PUM2: variants seen among roughly 807,000 people sequenced by gnomAD.
PUM2 encodes pumilio homolog 2.
A neutral mutation model predicts 124.5 loss-of-function variants in PUM2; 57 were observed. The observed-to-expected ratio is 0.46, with a 90% CI of 0.37 to 0.57. PUM2 has a LOEUF of 0.57. Among genes scored for constraint, PUM2 ranks in the 20% least tolerant of loss-of-function variants. The probability of loss-of-function intolerance (pLI) is 0.00; values close to 1 mark genes in which losing one functional copy is unlikely to be tolerated. For synonymous variants in PUM2, 460 were observed against 446.1 expected, an observed-to-expected ratio of 1.03 and a Z score of -0.39; for missense variants, 1,065 against 1,290.6, an observed-to-expected ratio of 0.83 and a Z score of 2.68.
At chr2:20,323,256 G>T (rs1276026147) in intron 2 of PUM2, among the ~76,000 whole-genome samples, 3 of 151,984 alleles carry the variant, frequency 2.0e-5, no homozygotes, top group Non-Finnish European at 4.4e-5. Flanking sequence ...AGATCATCCT[G>T]GCTAACACTG....
chr2:20,308,026 C>A lies in PUM2; in HGVS notation c.835G>T (p.Ala279Ser), dbSNP rs1678749264. 1.2e-6 allele frequency: 2 copies of A among 1,613,364 alleles called. No individual in the cohort carries two copies. Among genetic ancestry groups the A allele is most frequent in the Non-Finnish European group, 1.7e-6 (2 of 1,179,494 alleles). ...GCTAATGCATATTGCTGCTGTTGAG[C>A]TGCAGTTAACTGTTGAACTGTTAGT... The part of the protein sequence containing the change: ...NALTVQQLTA[A>S]QQQQYALAAA... Residue 279 changes from alanine to serine, a missense_variant, in exon 7 of 21, where the codon GCT (alanine) becomes TCT (serine). By Grantham distance (99) the Ala-to-Ser change is moderately conservative. Transcript: ENST00000361078.
At chr2:20,275,166 T>C (rs990419709) in intron 13 of PUM2, among the ~76,000 whole-genome samples, 3 of 151,812 alleles carry the variant, frequency 2.0e-5, no homozygotes, top group Non-Finnish European at 2.9e-5. Context: ...TCCAAGTTGT[T>C]GTCAACAGGA....
rs375195019 is a variant in PUM2 at position 20,326,042 on chromosome 2, G to C, written c.51+1268C>G. ...TCTGCTTTTTAAAGAGCAAAGAAAA[G>C]TAGTGGCCAGGAAAGAACAAAAGCC... On this transcript the variant is annotated intron_variant, in intron 2 of 20. Coordinates refer to ENST00000361078, the MANE Select transcript of PUM2 (RefSeq NM_015317.5). 3.9e-4 allele frequency among the ~76,000 whole-genome samples: 59 copies of C among 152,324 alleles called. No individual in the cohort carries two copies. In the South Asian group the frequency reaches 1.0e-2, roughly 26 times the overall value.
At chr2:20,267,677 G>A (rs530557624) in intron 13 of PUM2, among the ~76,000 whole-genome samples, 32 of 152,300 alleles carry the variant, frequency 2.1e-4, no homozygotes, top group African/African-American at 7.7e-4. Flanking sequence ...TATAGGACAT[G>A]TAGATCAGTA....
intron 9 of PUM2, among the ~76,000 whole-genome samples, chr2:20,292,524 G>A (rs938868010): frequency 1.3e-5 from 2 of 152,078 alleles, no homozygotes; most frequent in Non-Finnish European, 2.9e-5. Context: ...CACCACGCTT[G>A]GCTAAGTTTT....
chr2:20,343,088 C>T (rs62124599), intron 1 of PUM2, among the ~76,000 whole-genome samples: 5,361 of 152,134 alleles, frequency 0.035, 95 homozygotes, highest in Middle Eastern at 0.068. Flanking sequence ...TACAGTAGTG[C>T]CACACTATGC....
intron 7 of PUM2, among the ~76,000 whole-genome samples, chr2:20,305,772 A>G (rs1393736645): frequency 1.3e-5 from 2 of 152,216 alleles, no homozygotes; most frequent in African/African-American, 4.8e-5. Flanking sequence ...ACAATGAAAG[A>G]CAGGAAGAAA....
intron 1 of PUM2, among the ~76,000 whole-genome samples, chr2:20,332,420 A>C (rs1685119994): frequency 1.3e-5 from 2 of 151,070 alleles, no homozygotes; most frequent in South Asian, 4.2e-4. Flanking sequence ...AAAAAAAAAA[A>C]AACCCACCCC....
chr2:20,306,620 T>C (rs1448552838), intron 7 of PUM2, among the ~76,000 whole-genome samples: 2 of 149,740 alleles, frequency 1.3e-5, no homozygotes, highest in Non-Finnish European at 3.0e-5. Context: ...TTTTTTTTTT[T>C]TTTTCTTGAG....
chr2:20,272,961 TAA>T (rs1366434901), intron 13 of PUM2, among the ~76,000 whole-genome samples: 1 of 152,226 alleles, frequency 6.6e-6, no homozygotes, highest in African/African-American at 2.4e-5. Context: ...AAAGCCATTC[TAA>T]GAGATATATG....
intron 3 of PUM2, among the ~76,000 whole-genome samples, chr2:20,316,174 G>C (rs1434348596): frequency 6.6e-6 from 1 of 152,102 alleles, no homozygotes; most frequent in Non-Finnish European, 1.5e-5. Context: ...TGAACTCAAA[G>C]GAAATTTATA....
chr2:20,296,789 A>G lies in PUM2; in HGVS notation c.1009+764T>C, dbSNP rs138985066. Among the ~76,000 whole-genome samples, 777 of 152,312 alleles carry G rather than the reference A, an allele frequency of 5.1e-3. 3 individuals are homozygous for G. The highest frequency in any genetic ancestry group is 0.017 in the African/African-American group (725 of 41,550). On this transcript the variant is annotated intron_variant, in intron 8 of 20. Transcript: ENST00000361078. Reference sequence around the variant, plus strand: ...CCTCAACCTAAAACAAACTCTTCCCAAGAACCCCAACTAAGATCAGCAAAT... The same window carrying G: ...CCTCAACCTAAAACAAACTCTTCCCGAGAACCCCAACTAAGATCAGCAAAT...
At chr2:20,280,235 C>T (rs1428677956) in intron 12 of PUM2, among the ~76,000 whole-genome samples, 1 of 152,078 alleles carries the variant, frequency 6.6e-6, no homozygotes, top group East Asian at 1.9e-4. Context: ...GATTATAATG[C>T]TATTCAACCT....
intron 1 of PUM2, among the ~76,000 whole-genome samples, chr2:20,342,760 C>T (rs1461118618): frequency 6.6e-6 from 1 of 152,092 alleles, no homozygotes; most frequent in Non-Finnish European, 1.5e-5. Flanking sequence ...GCATGAATTG[C>T]GGTTTTTAAA....
At chr2:20,275,285 T>C (rs996950595) in intron 13 of PUM2, among the ~76,000 whole-genome samples, 11 of 151,890 alleles carry the variant, frequency 7.2e-5, no homozygotes, top group Admixed American at 7.2e-4. Context: ...ATATCAATTA[T>C]CCCCAAAATC....
intron 7 of PUM2, among the ~76,000 whole-genome samples, chr2:20,301,486 A>G (rs1452918250): frequency 6.6e-6 from 1 of 152,230 alleles, no homozygotes; most frequent in African/African-American, 2.4e-5. Flanking sequence ...TTTTAAACGC[A>G]TATATACTCA....
intron 2 of PUM2, among the ~76,000 whole-genome samples, chr2:20,325,514 T>C (rs1683446621): frequency 1.3e-5 from 2 of 152,102 alleles, no homozygotes; most frequent in African/African-American, 4.8e-5. Flanking sequence ...AATTATTAAA[T>C]ATTATTTAGA....
chr2:20,345,431 C>T (rs778846681), intron 1 of PUM2, among the ~76,000 whole-genome samples: 4 of 152,182 alleles, frequency 2.6e-5, no homozygotes, highest in East Asian at 1.9e-4. Context: ...ATAATACCAC[C>T]TCAGTGGCAG....
Position 20,350,725 on chromosome 2 carries a change from C to T in PUM2, c.-147G>A. 1 of 957,894 alleles carries T rather than the reference C, an allele frequency of 1.0e-6. No individual in the cohort carries two copies. 59.3% of individuals were successfully genotyped at this position (957,894 alleles called of 1,614,324 possible). A position where few individuals can be genotyped will look rare whatever the true frequency, so the allele number is the denominator to read the frequency against. ...AATGTCTTCTTTCTCCACCTACCACCCTCCCCCCCCACCCCACCTCCTCCT... is the reference window on the plus strand; with the variant it reads ...AATGTCTTCTTTCTCCACCTACCACTCTCCCCCCCCACCCCACCTCCTCCT... On this transcript the variant is annotated 5_prime_UTR_variant, in exon 1 of 21. Coordinates refer to ENST00000361078, the MANE Select transcript of PUM2 (RefSeq NM_015317.5).
Sources: allele counts gnomAD v4.1 joint callset (sites outside exome capture counted in the v4.1 genomes callset), GRCh38; gene constraint gnomAD v4.1.1; transcripts MANE v1.5; gene names NCBI Gene and HGNC (gene_info 2026-07-23, HGNC 2026-07-21).